The following PIK3R5 variants were observed in gnomAD, a reference collection of about 807,000 sequenced individuals.
The protein encoded by PIK3R5 is phosphoinositide-3-kinase regulatory subunit 5.
PIK3R5 carries 32 observed loss-of-function variants against 94.9 expected under a neutral mutation model. The observed-to-expected ratio is 0.34, with a 90% CI of 0.25 to 0.45. PIK3R5 has a LOEUF of 0.45. Among genes scored for constraint, PIK3R5 ranks in the 20% least tolerant of loss-of-function variants. PIK3R5 has a pLI of 1.00. For missense variants in PIK3R5, 853 were observed against 1,144.6 expected (o/e 0.75, Z 3.68); for synonymous variants, 443 against 479.4 (o/e 0.92, Z 0.99).
intron 5 of PIK3R5, among the ~76,000 whole-genome samples, chr17:8,903,692 C>A (rs1482735335): frequency 2.0e-5 from 3 of 151,766 alleles, no homozygotes; most frequent in Non-Finnish European, 1.5e-5. Context: ...ATTAAAATTT[C>A]TTTTATTTTT....
At position 8,879,236 on chromosome 17, in the gene PIK3R5, C is replaced by T. The variant is rs1197388672; in HGVS notation, c.*1403G>A. On this transcript the variant is annotated 3_prime_UTR_variant, in exon 19 of 19. Coordinates refer to ENST00000447110, the MANE Select transcript of PIK3R5 (RefSeq NM_001142633.3). The surrounding 1 kb of genome is among the most constrained non-coding windows in gnomAD (Gnocchi z 4.4). ...TTGTGCAGGATACAGTTCATGCTTC[C>T]GTGGCTACTTTCTCCACATCAGTCC... 2.0e-5 allele frequency: 3 copies of T among 152,214 alleles called. No individual in the cohort carries two copies. Among genetic ancestry groups the T allele is most frequent in the Non-Finnish European group, 2.9e-5 (2 of 68,054 alleles). 9.4% of individuals were successfully genotyped at this position (152,214 alleles called of 1,614,324 possible).
At position 8,894,868 on chromosome 17, in the gene PIK3R5, T is replaced by C. The variant is rs562048101; in HGVS notation, c.413-1213A>G. 2.5e-3 allele frequency among the ~76,000 whole-genome samples: 366 copies of C among 144,060 alleles called. 2 individuals carry two copies. The highest frequency in any genetic ancestry group is 8.8e-3 in the African/African-American group (348 of 39,456). 94.5% of individuals were successfully genotyped at this position (144,060 alleles called of 152,430 possible). Reference sequence around the variant, plus strand: ...CAGGACGTCCCCTCAGAAGTGCAAGTCTCGGGGGCGGGGTAGGGCGGGGGT... The same window carrying C: ...CAGGACGTCCCCTCAGAAGTGCAAGCCTCGGGGGCGGGGTAGGGCGGGGGT... On this transcript the variant is annotated intron_variant, in intron 5 of 18. Transcript: ENST00000447110.
intron 5 of PIK3R5, among the ~76,000 whole-genome samples, chr17:8,899,094 T>C (rs1398626088): frequency 1.3e-5 from 2 of 152,098 alleles, no homozygotes; most frequent in East Asian, 3.9e-4. Flanking sequence ...ATAGAGTAAA[T>C]ATTCAATAAA....
In PIK3R5 at chr17:8,893,086, T is replaced by A. The variant is rs453255; in HGVS notation, c.482+500A>T. ...TGTGTGTGTGTGTGTGTGTGTGTGT[T>A]TGTGTATCAGGCTGTCATATAAAAT... On this transcript the variant is annotated intron_variant, in intron 6 of 18. Transcript: ENST00000447110. The surrounding 1 kb of genome is among the most constrained non-coding windows in gnomAD (Gnocchi z 5.1). Among the ~76,000 whole-genome samples the A allele has an allele frequency of 1.3e-5, 1 of 78,944 alleles. No homozygotes were observed. Among genetic ancestry groups the A allele is most frequent in the Non-Finnish European group, 2.4e-5 (1 of 42,378 alleles). 51.8% of individuals were successfully genotyped at this position (78,944 alleles called of 152,430 possible).
intron 4 of PIK3R5, 36 bp downstream of exon 4, chr17:8,905,632 TC>T (rs1232043274): frequency 6.6e-7 from 1 of 1,520,700 alleles, no homozygotes; most frequent in South Asian, 1.2e-5. Flanking sequence ...CTCCCCCTCC[TC>T]CCTCACCTCC....
At chr17:8,953,091 G>C (rs1240455381) in intron 1 of PIK3R5, among the ~76,000 whole-genome samples, 1 of 152,154 alleles carries the variant, frequency 6.6e-6, no homozygotes, top group Middle Eastern at 3.2e-3. Flanking sequence ...GGGAGAATGA[G>C]GGAATGGGAA....
Position 8,888,599 on chromosome 17 carries a change from C to T in PIK3R5, c.1188G>A (p.Glu396=). 6.2e-7 allele frequency: 1 copy of T among 1,612,292 alleles called. No homozygotes were observed. The highest frequency in any genetic ancestry group is 8.5e-7 in the Non-Finnish European group (1 of 1,179,428). Residue 396 remains glutamate (E), a synonymous_variant, in exon 10 of 19, where the codon GAG becomes GAA. Coordinates refer to ENST00000447110, the MANE Select transcript of PIK3R5 (RefSeq NM_001142633.3). The surrounding 1 kb of genome is among the most constrained non-coding windows in gnomAD (Gnocchi z 7.8). The stretch of plus-strand genomic sequence containing the variant: ...TCCAAGGCCACTCGGAGGAGCTCTC[C>T]TCGCTGTCCTCCACGTAGCCGCTGT... ...GMDSGYVEDS[E]ESSSEWPWRR... is the part of the protein sequence containing the mutation.
At position 8,884,277 on chromosome 17, in the gene PIK3R5, C is replaced by T. The variant is rs2089754797; in HGVS notation, c.2205+430G>A. On this transcript the variant is annotated intron_variant, in intron 15 of 18. Transcript: ENST00000447110. This position sits in a 1 kb window ranked among gnomAD's most constrained non-coding sequence, Gnocchi z 5.8. Reference sequence around the variant, plus strand: ...ATGTCTTCTGGCATGTCATGGACAGCCCTCCACCTCCCCACAGCTCTCCTC... The same window carrying T: ...ATGTCTTCTGGCATGTCATGGACAGTCCTCCACCTCCCCACAGCTCTCCTC... 6.6e-6 allele frequency among the ~76,000 whole-genome samples: 1 copy of T among 152,116 alleles called. No individual in the cohort carries two copies. The highest frequency in any genetic ancestry group is 2.4e-5 in the African/African-American group (1 of 41,424).
chr17:8,886,123 C>T (rs1332972754), intron 14 of PIK3R5, 106 bp downstream of exon 14: 1 of 844,556 alleles, frequency 1.2e-6, no homozygotes, highest in Non-Finnish European at 1.9e-6. Flanking sequence ...TGTGCAACCC[C>T]ACCTTCCCAT....
At position 8,925,471 on chromosome 17, in the gene PIK3R5, A is replaced by AGATAGATAGTAGATG. The variant is rs200305226; in HGVS notation, c.-13-13979_-13-13965dup. ...GATGGATAGATAGTAGATGGATGAT[A>AGATAGATAGTAGATG]GATAGATAGTAGATGGATAGATAGT... On this transcript the variant is annotated intron_variant, in intron 1 of 18. Coordinates refer to ENST00000447110, the MANE Select transcript of PIK3R5 (RefSeq NM_001142633.3). The surrounding 1 kb of genome is among the most constrained non-coding windows in gnomAD (Gnocchi z 5.1). Among the ~76,000 whole-genome samples the AGATAGATAGTAGATG allele has an allele frequency of 6.7e-6, 1 of 149,402 alleles. No homozygotes were observed. The highest frequency in any genetic ancestry group is 1.5e-5 in the Non-Finnish European group (1 of 66,872).
Position 8,925,557 on chromosome 17 carries a change from T to TA in PIK3R5, c.-13-14051dup, listed in dbSNP as rs1245541909. On this transcript the variant is annotated intron_variant, in intron 1 of 18. Transcript: ENST00000447110. This position sits in a 1 kb window ranked among gnomAD's most constrained non-coding sequence, Gnocchi z 5.1. Reference sequence around the variant, plus strand: ...AGTAGATAGATAGTAGATGGATAGATAGATAGATAGAGAAAAAAGGAACAC... The same window carrying TA: ...AGTAGATAGATAGTAGATGGATAGATAAGATAGATAGAGAAAAAAGGAACAC... Among the ~76,000 whole-genome samples, 2 of 152,132 alleles carry TA rather than the reference T, an allele frequency of 1.3e-5. No homozygotes were observed. The highest frequency in any genetic ancestry group is 1.3e-4 in the Admixed American group (2 of 15,272).
chr17:8,948,829 G>A (rs1397857675), intron 1 of PIK3R5, among the ~76,000 whole-genome samples: 1 of 152,138 alleles, frequency 6.6e-6, no homozygotes, highest in Non-Finnish European at 1.5e-5. Flanking sequence ...ATGCCCAGTG[G>A]ACATGCAACA....
At position 8,911,700 on chromosome 17, in the gene PIK3R5, G is replaced by T; in HGVS notation, c.-13-193C>A. The T allele has an allele frequency of 1.8e-6, 1 of 554,908 alleles. No individual in the cohort carries two copies. The highest frequency in any genetic ancestry group is 3.2e-6 in the Non-Finnish European group (1 of 307,938). The allele number at this position is 554,908 out of a possible 1,614,324, so 34.4% of individuals were successfully genotyped here. On this transcript the variant is annotated intron_variant, in intron 1 of 18. Coordinates refer to ENST00000447110, the MANE Select transcript of PIK3R5 (RefSeq NM_001142633.3). The surrounding 1 kb of genome is among the most constrained non-coding windows in gnomAD (Gnocchi z 5.3). ...GAATGGCATCTGGAGGGCCACATCTGAGTGGCAGGACAGAGCACCCCTGCA... is the reference window on the plus strand; with the variant it reads ...GAATGGCATCTGGAGGGCCACATCTTAGTGGCAGGACAGAGCACCCCTGCA...
chr17:8,888,972 A>G lies in PIK3R5; in HGVS notation c.896-81T>C. ...ATATTCCCTTTGGAGGGGAGACAGC[A>G]GGACTCAGGGCCAGCCCAGGACTCC... is the stretch of plus-strand genomic sequence containing the variant. On this transcript the variant is annotated intron_variant, in intron 9 of 18. Transcript: ENST00000447110. The surrounding 1 kb of genome is among the most constrained non-coding windows in gnomAD (Gnocchi z 7.8). The G allele has an allele frequency of 1.9e-6, 3 of 1,539,402 alleles. No homozygotes were observed. The highest frequency in any genetic ancestry group is 2.6e-6 in the Non-Finnish European group (3 of 1,147,304).
chr17:8,952,136 C>T (rs1432688373), intron 1 of PIK3R5, among the ~76,000 whole-genome samples: 3 of 152,234 alleles, frequency 2.0e-5, no homozygotes, highest in African/African-American at 7.2e-5. Flanking sequence ...TGGTTCCCAA[C>T]CTATAAAGCT....
chr17:8,941,982 C>T (rs1254001842), intron 1 of PIK3R5, among the ~76,000 whole-genome samples: 6 of 152,196 alleles, frequency 3.9e-5, no homozygotes, highest in Non-Finnish European at 7.3e-5. Context: ...GAGAATTTCC[C>T]GTTAGATGGG....
chr17:8,917,758 C>T (rs1029615952), intron 1 of PIK3R5, among the ~76,000 whole-genome samples: 18 of 151,988 alleles, frequency 1.2e-4, no homozygotes, highest in African/African-American at 3.9e-4. Flanking sequence ...CCCAGCTACT[C>T]GGGTGGCTGA....
In PIK3R5 at chr17:8,921,800, T is replaced by G. The variant is rs538365276; in HGVS notation, c.-13-10293A>C. Among the ~76,000 whole-genome samples, 495 of 152,284 alleles carry G rather than the reference T, an allele frequency of 3.3e-3. 1 individual carries two copies. Among genetic ancestry groups the G allele is most frequent in the African/African-American group, 0.011 (470 of 41,582 alleles). Reference sequence around the variant, plus strand: ...ATTCAAAAAGGATCAAAGATCTAAATGTAAAGTGCTAAAACTATAAAACTC... The same window carrying G: ...ATTCAAAAAGGATCAAAGATCTAAAGGTAAAGTGCTAAAACTATAAAACTC... On this transcript the variant is annotated intron_variant, in intron 1 of 18. Transcript: ENST00000447110.
intron 3 of PIK3R5, among the ~76,000 whole-genome samples, chr17:8,907,005 G>C (rs1486742494): frequency 6.6e-6 from 1 of 151,774 alleles, no homozygotes; most frequent in Non-Finnish European, 1.5e-5. Context: ...ACTCCTTCTG[G>C]TAGACCTCCA....
Sources: allele counts gnomAD v4.1 joint callset (sites outside exome capture counted in the v4.1 genomes callset), GRCh38; gene constraint gnomAD v4.1.1; non-coding constraint Gnocchi (gnomAD v3.1); transcripts MANE v1.5; gene names NCBI Gene and HGNC (gene_info 2026-07-23, HGNC 2026-07-21).